Variants in PCDH9 observed in about 807,000 individuals in gnomAD.
The protein encoded by PCDH9 is protocadherin-9.
Under a neutral mutation model 70.6 loss-of-function variants are expected in PCDH9, and 24 were observed. The ratio of observed to expected loss-of-function variants is 0.34; its 90% CI spans 0.25 to 0.48. The LOEUF is 0.48. Among genes scored for constraint, PCDH9 ranks in the 20% least tolerant of loss-of-function variants. The pLI is 0.99. For synonymous variants in PCDH9, 562 were observed against 558.5 expected (o/e 1.01, Z -0.09); for missense variants, 1,281 against 1,503.6 (o/e 0.85, Z 2.45).
chr13:66,989,518 T>C (rs1223250191), intron 2 of PCDH9, among the ~76,000 whole-genome samples: 1 of 151,938 alleles, frequency 6.6e-6, no homozygotes, highest in Non-Finnish European at 1.5e-5. Flanking sequence ...GTAATGAATG[T>C]CACTTCCTGA....
chr13:67,048,925 G>A (rs61959248), intron 2 of PCDH9, among the ~76,000 whole-genome samples: 15,306 of 152,236 alleles, frequency 0.1, 846 homozygotes, highest in Non-Finnish European at 0.12. Flanking sequence ...ACTGCTGGAA[G>A]ACATTACAAC....
chr13:66,525,339 G>A (rs1960166787), intron 4 of PCDH9, among the ~76,000 whole-genome samples: 1 of 151,966 alleles, frequency 6.6e-6, no homozygotes, highest in African/African-American at 2.4e-5. Context: ...GCTTTCATGT[G>A]TTTAGAGTTA....
chr13:66,302,898 A>C lies in PCDH9; in HGVS notation c.*1757T>G, dbSNP rs915866631. On this transcript the variant is annotated 3_prime_UTR_variant, in exon 5 of 5. Coordinates refer to ENST00000377865, the MANE Select transcript of PCDH9 (RefSeq NM_203487.3). ...GTAAATAACGTAGAACTGGCAAAGCAGTAACAAGGATAATTGTTTAGATAT... is the reference window on the plus strand; with the variant it reads ...GTAAATAACGTAGAACTGGCAAAGCCGTAACAAGGATAATTGTTTAGATAT... The C allele has an allele frequency of 6.6e-6, 1 of 152,512 alleles. No homozygotes were observed. Among genetic ancestry groups the C allele is most frequent in the Non-Finnish European group, 1.5e-5 (1 of 67,982 alleles). The allele number at this position is 152,512 out of a possible 1,614,324, so 9.4% of individuals were successfully genotyped here. A position where few individuals can be genotyped will look rare whatever the true frequency, so the allele number is the denominator to read the frequency against.
chr13:66,533,831 A>G (rs1960574338), intron 4 of PCDH9, among the ~76,000 whole-genome samples: 2 of 152,128 alleles, frequency 1.3e-5, no homozygotes, highest in African/African-American at 2.4e-5. Context: ...TGGCCTTCCA[A>G]CCTCCGCAAA....
intron 4 of PCDH9, among the ~76,000 whole-genome samples, chr13:66,524,604 A>C (rs1960135266): frequency 6.6e-6 from 1 of 152,092 alleles, no homozygotes; most frequent in Admixed American, 6.6e-5. Flanking sequence ...AATAGTATGG[A>C]GAAATCTGCA....
chr13:66,397,461 T>C (rs970085701), intron 4 of PCDH9, among the ~76,000 whole-genome samples: 11 of 64,858 alleles, frequency 1.7e-4, no homozygotes, highest in Non-Finnish European at 2.5e-4. Context: ...TGTGTGTATA[T>C]ATATATGTGT....
At chr13:66,916,866 C>A (rs944072818) in intron 2 of PCDH9, among the ~76,000 whole-genome samples, 1 of 151,606 alleles carries the variant, frequency 6.6e-6, no homozygotes, top group African/African-American at 2.4e-5. Context: ...ATAAGGGAAG[C>A]TTAACGAAGG....
Position 66,818,879 on chromosome 13 carries a change from G to A in PCDH9, c.3138+84625C>T, listed in dbSNP as rs367888930. Among the ~76,000 whole-genome samples, 77 of 151,322 alleles carry A rather than the reference G, an allele frequency of 5.1e-4. 1 individual carries two copies. In the East Asian group the frequency reaches 9.8e-3, roughly 19 times the overall value. On this transcript the variant is annotated intron_variant, in intron 3 of 4. Coordinates refer to ENST00000377865, the MANE Select transcript of PCDH9 (RefSeq NM_203487.3). ...AACCCAGGAGGCGGAGCTTGCAGTG[G>A]GCCGAGATCGCGCCACTGCACTCCA...
intron 3 of PCDH9, among the ~76,000 whole-genome samples, chr13:66,680,544 C>T (rs2078304693): frequency 6.6e-6 from 1 of 151,884 alleles, no homozygotes; most frequent in African/African-American, 2.4e-5. Flanking sequence ...TTTGCTATTT[C>T]ACAAAGTGTT....
In PCDH9 at chr13:66,596,962, T is replaced by C. The variant is rs192769333; in HGVS notation, c.3340+34248A>G. On this transcript the variant is annotated intron_variant, in intron 4 of 4. Transcript: ENST00000377865. ...CCATCTGGAAAGTACTTTCTATGTA[T>C]AGCGTTAGGTAGGGGTCATATTTCA... Among the ~76,000 whole-genome samples the C allele has an allele frequency of 2.9e-3, 444 of 151,650 alleles. 2 individuals carry two copies. Among genetic ancestry groups the C allele is most frequent in the African/African-American group, 0.01 (428 of 41,474 alleles).
chr13:67,167,153 G>A (rs971666766), intron 2 of PCDH9, among the ~76,000 whole-genome samples: 1 of 152,072 alleles, frequency 6.6e-6, no homozygotes, highest in African/African-American at 2.4e-5. Flanking sequence ...TTTGTCTTTA[G>A]TGAAATGGTT....
intron 3 of PCDH9, among the ~76,000 whole-genome samples, chr13:66,737,594 C>A (rs2079173090): frequency 6.6e-6 from 1 of 152,202 alleles, no homozygotes; most frequent in Non-Finnish European, 1.5e-5. Context: ...CCGGGTTCAT[C>A]TCACTAGGGA....
chr13:67,213,826 T>C (rs1457092100), intron 2 of PCDH9: 3 of 152,204 alleles, frequency 2.0e-5, no homozygotes, highest in Non-Finnish European at 4.4e-5. Context: ...AACAATTGTA[T>C]TGCACTGAGA....
Position 67,154,847 on chromosome 13 carries a change from G to A in PCDH9, c.3036+70558C>T, listed in dbSNP as rs117121915. 7.0e-4 allele frequency among the ~76,000 whole-genome samples: 106 copies of A among 151,502 alleles called. 1 individual carries two copies. In the East Asian group the frequency reaches 0.019, roughly 28 times the overall value. On this transcript the variant is annotated intron_variant, in intron 2 of 4. Transcript: ENST00000377865. Reference sequence around the variant, plus strand: ...GCCTCCCTAGTAGCTGGTACTACAGGTGCGTGTCACCACACCCAGCAAATT... The same window carrying A: ...GCCTCCCTAGTAGCTGGTACTACAGATGCGTGTCACCACACCCAGCAAATT...
intron 4 of PCDH9, among the ~76,000 whole-genome samples, chr13:66,369,283 T>C (rs1410443753): frequency 6.6e-6 from 1 of 152,144 alleles, no homozygotes; most frequent in Non-Finnish European, 1.5e-5. Flanking sequence ...TTCACTTTAT[T>C]TAGCATAAAT....
chr13:66,738,735 G>C (rs1204924547), intron 3 of PCDH9, among the ~76,000 whole-genome samples: 1 of 151,384 alleles, frequency 6.6e-6, no homozygotes, highest in Non-Finnish European at 1.5e-5. Flanking sequence ...TGGAAGACAG[G>C]GTATCAGCAA....
At chr13:67,185,451 T>C (rs1367666979) in intron 2 of PCDH9, among the ~76,000 whole-genome samples, 1 of 152,202 alleles carries the variant, frequency 6.6e-6, no homozygotes. Flanking sequence ...TAAGTTACTT[T>C]GTGTAATATA....
At chr13:66,923,789 A>C (rs570552739) in intron 2 of PCDH9, among the ~76,000 whole-genome samples, 1 of 151,842 alleles carries the variant, frequency 6.6e-6, no homozygotes, top group South Asian at 2.1e-4. Flanking sequence ...CTGCTTTATT[A>C]ATGAGGATGA....
At chr13:66,749,969 T>C (rs1441609555) in intron 3 of PCDH9, among the ~76,000 whole-genome samples, 1 of 151,884 alleles carries the variant, frequency 6.6e-6, no homozygotes, top group African/African-American at 2.4e-5. Context: ...TTTAAAAATA[T>C]TTAAAAGAAA....
Sources: allele counts gnomAD v4.1 joint callset (sites outside exome capture counted in the v4.1 genomes callset), GRCh38; gene constraint gnomAD v4.1.1; transcripts MANE v1.5; gene names NCBI Gene and HGNC (gene_info 2026-07-23, HGNC 2026-07-21).